TTC3: variants seen among roughly 807,000 people sequenced by gnomAD.
TTC3 encodes tetratricopeptide repeat domain 3.
A neutral mutation model predicts 249.6 loss-of-function variants in TTC3; 180 were observed. The ratio of observed to expected loss-of-function variants is 0.72; its 90% CI spans 0.64 to 0.82. TTC3 has a LOEUF of 0.82. Ranked by LOEUF, TTC3 falls within the 40% of genes least tolerant of loss-of-function variation. The pLI, the probability that TTC3 is intolerant of heterozygous loss-of-function variation, is 0.00. For missense variants in TTC3, 2,061 were observed against 2,398.4 expected (o/e 0.86, Z 2.94); for synonymous variants, 717 against 805.0 (o/e 0.89, Z 1.85).
chr21:37,110,434 G>T (rs976375401), intron 11 of TTC3, among the ~76,000 whole-genome samples: 1 of 152,170 alleles, frequency 6.6e-6, no homozygotes, highest in African/African-American at 2.4e-5. Context: ...TAACCGATGC[G>T]ATCAACTGGA....
At chr21:37,128,966 G>A (rs776017338) in intron 15 of TTC3, 37 bp from the exon 16 acceptor site, 5 of 1,471,654 alleles carry the variant, frequency 3.4e-6, no homozygotes, top group Non-Finnish European at 4.6e-6. Flanking sequence ...AGATTTTTAT[G>A]TACAGATTTT....
intron 32 of TTC3, among the ~76,000 whole-genome samples, chr21:37,164,661 T>G (rs758607199): frequency 1.2e-4 from 19 of 152,152 alleles, no homozygotes; most frequent in Non-Finnish European, 2.1e-4. Flanking sequence ...ATTATTAAAT[T>G]TAGAGTCCTA....
At chr21:37,160,097 A>G (rs1231224480) in intron 29 of TTC3, among the ~76,000 whole-genome samples, 1 of 152,232 alleles carries the variant, frequency 6.6e-6, no homozygotes, top group African/African-American at 2.4e-5. Flanking sequence ...CTCTAGAAGG[A>G]AAACAAAGGG....
intron 39 of TTC3, 47 bp downstream of exon 39, chr21:37,188,642 A>C: frequency 1.4e-6 from 2 of 1,430,734 alleles, no homozygotes; most frequent in African/African-American, 1.4e-5. Context: ...TAGAAGATAA[A>C]GCTAGGACCA....
chr21:37,166,314 T>C, exon 33 of TTC3: 3 of 1,614,208 alleles, frequency 1.9e-6, no homozygotes, highest in Non-Finnish European at 2.5e-6. Flanking sequence ...TCAGTACCAG[T>C]GGTGCCGTCT....
At chr21:37,146,847 T>TA (rs1400726889) in intron 21 of TTC3, among the ~76,000 whole-genome samples, 6 of 152,300 alleles carry the variant, frequency 3.9e-5, no homozygotes, top group African/African-American at 1.4e-4. Context: ...GTGTGTAAAT[T>TA]ATGTCTCAAC....
intron 35 of TTC3, among the ~76,000 whole-genome samples, chr21:37,182,238 G>C (rs932490909): frequency 2.6e-5 from 4 of 152,202 alleles, no homozygotes; most frequent in Non-Finnish European, 5.9e-5. Flanking sequence ...TACATAGGAA[G>C]TTGACAAAGA....
At chr21:37,166,092 G>A (rs767381705) in exon 33 of TTC3, 1 of 1,614,036 alleles carries the variant, frequency 6.2e-7, no homozygotes, top group African/African-American at 1.3e-5. Flanking sequence ...CGAGTCTCCT[G>A]TAATTCCCCC....
At chr21:37,113,844 A>C (rs1402519885) in intron 11 of TTC3, among the ~76,000 whole-genome samples, 1 of 152,214 alleles carries the variant, frequency 6.6e-6, no homozygotes, top group African/African-American at 2.4e-5. Context: ...ACAAAGATAT[A>C]GACCAATGGA....
intron 10 of TTC3, among the ~76,000 whole-genome samples, chr21:37,105,490 A>G (rs1236766771): frequency 1.3e-5 from 2 of 152,278 alleles, no homozygotes; most frequent in East Asian, 3.9e-4. Flanking sequence ...TTAGCAGAAG[A>G]AGGACAACTT....
chr21:37,085,981 C>T (rs1449427522), intron 1 of TTC3: 1 of 152,208 alleles, frequency 6.6e-6, no homozygotes, highest in Non-Finnish European at 1.5e-5. Context: ...ATTTTCCCAT[C>T]TGTACAGTGG....
At chr21:37,095,555 T>C (rs1791622745) in intron 9 of TTC3, 111 bp downstream of exon 9, 5 of 751,166 alleles carry the variant, frequency 6.7e-6, no homozygotes, top group Admixed American at 3.2e-5. Flanking sequence ...TTCCAACTTG[T>C]GCAGAATAGA....
intron 44 of TTC3, among the ~76,000 whole-genome samples, chr21:37,198,908 A>T (rs1167896964): frequency 6.6e-6 from 1 of 151,770 alleles, no homozygotes; most frequent in African/African-American, 2.4e-5. Context: ...TACTGTGCCC[A>T]TCTTTTCTAG....
chr21:37,119,032 G>A (rs2076382589), intron 11 of TTC3, among the ~76,000 whole-genome samples: 1 of 152,104 alleles, frequency 6.6e-6, no homozygotes, highest in African/African-American at 2.4e-5. Flanking sequence ...GTTGTTTTCA[G>A]TTGGTTTATT....
At chr21:37,170,902 T>C (rs936923942) in intron 34 of TTC3, among the ~76,000 whole-genome samples, 5 of 152,246 alleles carry the variant, frequency 3.3e-5, no homozygotes, top group African/African-American at 9.6e-5. Flanking sequence ...TTACATATAA[T>C]TAAACAATAG....
exon 15 of TTC3, chr21:37,126,101 G>T: frequency 1.2e-6 from 2 of 1,610,884 alleles, no homozygotes. Context: ...GGCGTTGAAG[G>T]TAGATGATTG....
chr21:37,141,233 A>G (rs1256916987), intron 20 of TTC3, among the ~76,000 whole-genome samples: 1 of 152,150 alleles, frequency 6.6e-6, no homozygotes, highest in Non-Finnish European at 1.5e-5. Flanking sequence ...AGGGGACAGG[A>G]TTATGTCTTG....
At chr21:37,185,395 A>G (rs1179080761) in intron 36 of TTC3, among the ~76,000 whole-genome samples, 1 of 152,198 alleles carries the variant, frequency 6.6e-6, no homozygotes, top group East Asian at 1.9e-4. Flanking sequence ...CTCTGGTTAC[A>G]CTGATGATGA....
In TTC3 at chr21:37,188,597, T is replaced by C; in HGVS notation, c.5024+2T>C. On this transcript the variant is annotated splice_donor_variant, in intron 39 of 45. Coordinates refer to ENST00000355666, the Ensembl canonical transcript of TTC3. LOFTEE classifies it high-confidence loss of function. ...GAAGAAGCTGGGGCTGATTAGCCGG[T>C]ATTGCAGTTTCGTGGGTGTTCTCAG... The C allele has an allele frequency of 1.9e-6, 3 of 1,613,522 alleles. No individual in the cohort carries two copies. Among genetic ancestry groups the C allele is most frequent in the Non-Finnish European group, 2.5e-6 (3 of 1,179,526 alleles).
Sources: gnomAD v4.1 joint callset for allele counts (sites outside exome capture counted in the v4.1 genomes callset) on GRCh38, gnomAD v4.1.1 for gene constraint, MANE v1.5 for transcripts, NCBI Gene and HGNC (gene_info 2026-07-23, HGNC 2026-07-21) for gene names.